Variants in WRN observed in about 807,000 individuals in gnomAD.
WRN encodes WRN RecQ like helicase.
A neutral mutation model predicts 180.7 loss-of-function variants in WRN; 149 were observed. That is an observed-to-expected ratio of 0.82 (90% CI 0.72 to 0.94). The LOEUF is 0.94. WRN is among the 40% of genes least tolerant of loss of function. The probability of loss-of-function intolerance (pLI) is 0.00; values close to 1 mark genes in which losing one functional copy is unlikely to be tolerated. For synonymous variants in WRN, 548 were observed against 568.9 expected, an observed-to-expected ratio of 0.96 and a Z score of 0.52; for missense variants, 1,661 against 1,700.1, an observed-to-expected ratio of 0.98 and a Z score of 0.40.
chr8:31,055,792 C>CGACA (rs1812250460), intron 1 of WRN, among the ~76,000 whole-genome samples: 1 of 152,130 alleles, frequency 6.6e-6, no homozygotes, highest in Non-Finnish European at 1.5e-5. Flanking sequence ...CATACATGCT[C>CGACA]AACGACATAG....
At chr8:31,159,315 A>G (rs1803515324) in intron 33 of WRN, among the ~76,000 whole-genome samples, 2 of 151,868 alleles carry the variant, frequency 1.3e-5, no homozygotes, top group African/African-American at 4.8e-5. Context: ...AAAGGAGAAA[A>G]AAAAAAAAGT....
chr8:31,101,223 C>T lies in WRN; in HGVS notation c.2088+268C>T, dbSNP rs113664788. On this transcript the variant is annotated intron_variant, in intron 18 of 34. Transcript: ENST00000298139. ...CACATGTAGTCTGTATCACATATTC[C>T]TCTCTCTGTTTTTTCTTTTAGTAAC... Among the ~76,000 whole-genome samples, 6 of 152,138 alleles carry T rather than the reference C, an allele frequency of 3.9e-5. 1 individual carries two copies. The highest frequency in any genetic ancestry group is 1.4e-4 in the African/African-American group (6 of 41,488).
intron 1 of WRN, among the ~76,000 whole-genome samples, chr8:31,056,587 G>A (rs1419094339): frequency 1.3e-5 from 2 of 152,042 alleles, no homozygotes; most frequent in Admixed American, 6.6e-5. Flanking sequence ...CTTTTTTTGA[G>A]TCCCAAACCG....
At position 31,174,531 on chromosome 8, in the gene WRN, A is replaced by G. The variant is rs10092670; in HGVS notation, c.*1429A>G. On this transcript the variant is annotated 3_prime_UTR_variant, in exon 35 of 35. Coordinates refer to ENST00000298139, the MANE Select transcript of WRN (RefSeq NM_000553.6). ...TAAGTTGGCCTCTTCACGGAAAACAACTGGTATTTGTTGTGCCAATGATAA... is the reference window on the plus strand; with the variant it reads ...TAAGTTGGCCTCTTCACGGAAAACAGCTGGTATTTGTTGTGCCAATGATAA... Among the ~76,000 whole-genome samples the G allele has an allele frequency of 4.4e-3, 666 of 152,350 alleles. 8 individuals are homozygous for G. Among genetic ancestry groups the G allele is most frequent in the African/African-American group, 0.015 (631 of 41,582 alleles).
At chr8:31,135,049 A>G (rs1040201229) in intron 24 of WRN, among the ~76,000 whole-genome samples, 1 of 148,530 alleles carries the variant, frequency 6.7e-6, no homozygotes. Context: ...AAGTGTTTTT[A>G]ACAATAGCTG....
rs748211499 is a variant in WRN at position 31,070,506 on chromosome 8, T to C, written c.724+2179T>C. On this transcript the variant is annotated intron_variant, in intron 7 of 34. Coordinates refer to ENST00000298139, the MANE Select transcript of WRN (RefSeq NM_000553.6). ...CTCATTTATTAAATATTGTTGAGCA[T>C]TTTACGATATGGGAATACCGTAGTG... Among the ~76,000 whole-genome samples the C allele has an allele frequency of 3.0e-4, 45 of 152,076 alleles. 1 individual carries two copies. Among genetic ancestry groups the C allele is most frequent in the Non-Finnish European group, 7.4e-5 (5 of 68,004 alleles).
chr8:31,051,785 G>T (rs912437797), intron 1 of WRN, among the ~76,000 whole-genome samples: 5 of 152,106 alleles, frequency 3.3e-5, no homozygotes, highest in Admixed American at 2.0e-4. Context: ...TGTTAATAAC[G>T]CCAGCCTTGA....
chr8:31,037,256 A>G (rs1316822931), intron 1 of WRN, among the ~76,000 whole-genome samples: 1 of 152,222 alleles, frequency 6.6e-6, no homozygotes, highest in Non-Finnish European at 1.5e-5. Flanking sequence ...AATTCACAGT[A>G]GGTTTTGCGC....
chr8:31,160,424 G>C (rs1347991873), intron 33 of WRN, among the ~76,000 whole-genome samples: 2 of 152,120 alleles, frequency 1.3e-5, no homozygotes, highest in East Asian at 3.9e-4. Flanking sequence ...CAACTCTCCT[G>C]GTCACCTTCT....
intron 18 of WRN, among the ~76,000 whole-genome samples, chr8:31,105,887 T>G (rs954000574): frequency 1.3e-5 from 2 of 152,236 alleles, no homozygotes; most frequent in African/African-American, 4.8e-5. Flanking sequence ...GTTGTCACTA[T>G]TAGTTCATTT....
At chr8:31,125,548 A>G in intron 23 of WRN, among the ~76,000 whole-genome samples, 1 of 118,672 alleles carries the variant, frequency 8.4e-6, no homozygotes, top group African/African-American at 3.4e-5. Context: ...ATATATATAT[A>G]TATATATATA....
chr8:31,158,976 A>G (rs938242587), intron 33 of WRN, among the ~76,000 whole-genome samples: 2 of 152,116 alleles, frequency 1.3e-5, no homozygotes, highest in African/African-American at 4.8e-5. Context: ...ACTTACAAGC[A>G]GGAGCTAAAG....
intron 20 of WRN, chr8:31,119,995 G>T: frequency 2.1e-6 from 1 of 471,430 alleles, no homozygotes; most frequent in Non-Finnish European, 3.9e-6. Context: ...TGTATTCATA[G>T]GAGTTCAGAT....
rs1563375284 is a variant in WRN, at chr8:31,139,999, C to CTTTTTT, written c.2968-1428_2968-1427insTTTTTT. On this transcript the variant is annotated intron_variant, in intron 24 of 34. Coordinates refer to ENST00000298139, the MANE Select transcript of WRN (RefSeq NM_000553.6). Reference sequence around the variant, plus strand: ...CATAAAGCTCTATGTTTGTATACTTCTTTGTTTTTTTTTTTTTTTTTTTTT... The same window carrying CTTTTTT: ...CATAAAGCTCTATGTTTGTATACTTCTTTTTTTTTGTTTTTTTTTTTTTTTTTTTTT... 7.8e-4 allele frequency among the ~76,000 whole-genome samples: 58 copies of CTTTTTT among 74,750 alleles called. 3 individuals carry two copies. Among genetic ancestry groups the CTTTTTT allele is most frequent in the African/African-American group, 2.9e-3 (55 of 18,742 alleles). The allele number at this position is 74,750 out of a possible 152,430, so 49.0% of individuals were successfully genotyped here.
chr8:31,080,038 G>A lies in WRN; in HGVS notation c.840-829G>A, dbSNP rs546788594. On this transcript the variant is annotated intron_variant, in intron 8 of 34. Coordinates refer to ENST00000298139, the MANE Select transcript of WRN (RefSeq NM_000553.6). ...TGAGATTACAGGCGCATGCCACCAA[G>A]CCCAGCTAATTTTTGTATTTTTAGT... Among the ~76,000 whole-genome samples, 20 of 152,180 alleles carry A rather than the reference G, an allele frequency of 1.3e-4. 1 individual carries two copies. In the East Asian group the frequency reaches 3.9e-3, roughly 29 times the overall value.
intron 16 of WRN, 40 bp from the exon 17 acceptor site, chr8:31,096,728 G>GTTTTTTTTTTTTTCTTTTTTT: frequency 8.6e-7 from 1 of 1,160,222 alleles, no homozygotes; most frequent in Non-Finnish European, 1.2e-6. Flanking sequence ...TTCCCTTCCT[G>GTTTTTTTTTTTTTCTTTTTTT]TTTTTTTTTT....
intron 20 of WRN, among the ~76,000 whole-genome samples, chr8:31,119,618 T>TA (rs1318877324): frequency 6.6e-6 from 1 of 152,038 alleles, no homozygotes; most frequent in Non-Finnish European, 1.5e-5. Flanking sequence ...AAATGCTTTT[T>TA]ATGATCTCTG....
At chr8:31,132,621 A>G in intron 24 of WRN, 115 bp downstream of exon 24, 1 of 1,416,028 alleles carries the variant, frequency 7.1e-7, no homozygotes, top group South Asian at 1.2e-5. Flanking sequence ...GTGACTAGGA[A>G]CTCATAGAGT....
chr8:31,167,349 G>A (rs969208533), intron 34 of WRN, 119 bp downstream of exon 34: 2 of 839,768 alleles, frequency 2.4e-6, no homozygotes, highest in African/African-American at 1.7e-5. Context: ...CTTTCTCTAT[G>A]TGCTACATTT....
Sources: allele counts gnomAD v4.1 joint callset (sites outside exome capture counted in the v4.1 genomes callset), GRCh38; gene constraint gnomAD v4.1.1; transcripts MANE v1.5; gene names NCBI Gene and HGNC (gene_info 2026-07-23, HGNC 2026-07-21).